WDHD1: variants seen among roughly 807,000 people sequenced by gnomAD.
WDHD1 encodes WD repeat and HMG-box DNA-binding protein 1.
A neutral mutation model predicts 135.4 loss-of-function variants in WDHD1; 111 were observed. The observed-to-expected ratio is 0.82, with a 90% CI of 0.70 to 0.96. The LOEUF (loss-of-function observed/expected upper bound fraction) is 0.96. Among genes scored for constraint, WDHD1 ranks in the 40% least tolerant of loss-of-function variants. The pLI is 0.00. For synonymous variants in WDHD1, 434 were observed against 439.0 expected, an observed-to-expected ratio of 0.99 and a Z score of 0.14; for missense variants, 1,351 against 1,336.3, an observed-to-expected ratio of 1.01 and a Z score of -0.17.
At chr14:54,967,541 A>G (rs1204711918) in intron 16 of WDHD1, 147 bp from the exon 17 acceptor site, 1 of 537,490 alleles carries the variant, frequency 1.9e-6, no homozygotes, top group Non-Finnish European at 3.3e-6. Flanking sequence ...CTCTTTTTAA[A>G]AAAGTGTTTT....
chr14:55,013,389 A>G, intron 3 of WDHD1, 96 bp downstream of exon 3: 1 of 776,520 alleles, frequency 1.3e-6, no homozygotes, highest in Non-Finnish European at 2.1e-6. Context: ...TGAGATAAAC[A>G]AAGGTATATC....
chr14:54,990,278 A>G (rs2041762911), intron 12 of WDHD1, among the ~76,000 whole-genome samples: 1 of 152,166 alleles, frequency 6.6e-6, no homozygotes, highest in South Asian at 2.1e-4. Flanking sequence ...AAAACATCAT[A>G]TAACCAACAC....
At chr14:54,984,573 T>G (rs1216511073) in intron 15 of WDHD1, 150 bp downstream of exon 15, 3 of 665,286 alleles carry the variant, frequency 4.5e-6, no homozygotes, top group Non-Finnish European at 6.5e-6. Context: ...CTCCCAGTTC[T>G]GCCAACATAT....
At chr14:54,943,113 G>A (rs942135194) in intron 25 of WDHD1, among the ~76,000 whole-genome samples, 2 of 152,126 alleles carry the variant, frequency 1.3e-5, no homozygotes, top group African/African-American at 4.8e-5. Flanking sequence ...TGCCATTCCT[G>A]GGGAAGTGAA....
intron 6 of WDHD1, among the ~76,000 whole-genome samples, chr14:55,007,580 A>G (rs117679429): frequency 3.7e-3 from 559 of 152,302 alleles, no homozygotes; most frequent in Non-Finnish European, 6.0e-3. Context: ...TTAAATAACT[A>G]GAGTATTTTC....
At chr14:54,961,686 AT>A (rs1210892679) in intron 21 of WDHD1, among the ~76,000 whole-genome samples, 1 of 152,100 alleles carries the variant, frequency 6.6e-6, no homozygotes, top group East Asian at 1.9e-4. Context: ...TTTTAAGTTA[AT>A]TTTTTTAAAT....
At chr14:54,995,294 C>G (rs1282652739) in intron 11 of WDHD1, among the ~76,000 whole-genome samples, 1 of 152,112 alleles carries the variant, frequency 6.6e-6, no homozygotes, top group Non-Finnish European at 1.5e-5. Context: ...TTGATCTTGT[C>G]AAAGAACCAG....
At chr14:54,945,697 C>A (rs1338008432) in intron 24 of WDHD1, among the ~76,000 whole-genome samples, 2 of 152,158 alleles carry the variant, frequency 1.3e-5, no homozygotes, top group Admixed American at 6.5e-5. Context: ...CGCGCCACCA[C>A]ACCCAGCTAA....
intron 10 of WDHD1, 142 bp from the exon 11 acceptor site, chr14:54,995,955 G>A: frequency 3.3e-6 from 2 of 599,910 alleles, no homozygotes; most frequent in Non-Finnish European, 5.5e-6. Flanking sequence ...ATTAGTAAAT[G>A]TATTTATGAG....
At chr14:54,988,938 T>C in intron 13 of WDHD1, 90 bp downstream of exon 13, 1 of 1,204,212 alleles carries the variant, frequency 8.3e-7, no homozygotes, top group Non-Finnish European at 1.2e-6. Flanking sequence ...AAAAAATAAA[T>C]TTTGTTTTAT....
chr14:54,995,609 A>G lies in WDHD1; in HGVS notation c.1147T>C (p.Ser383Pro). The G allele has an allele frequency of 6.3e-7, 1 of 1,588,448 alleles. No individual in the cohort carries two copies. The highest frequency in any genetic ancestry group is 1.1e-5 in the South Asian group (1 of 87,438). Residue 383 changes from serine (S) to proline (P), a missense_variant, in exon 11 of 26, where the codon TCA (serine) becomes CCA (proline). By Grantham distance (74) the Ser-to-Pro change is moderately conservative. Transcript: ENST00000360586. Reference sequence around the variant, plus strand: ...CACAAAGTCAAATTCTTACCAACTGAGTTTTCATCATCTTCTAGGATGTGA... The same window carrying G: ...CACAAAGTCAAATTCTTACCAACTGGGTTTTCATCATCTTCTAGGATGTGA... ...RSHILEDDEN[S>P]VDISMLKTGS... is the part of the protein sequence containing the mutation.
intron 2 of WDHD1, among the ~76,000 whole-genome samples, chr14:55,019,243 C>T (rs1038548390): frequency 2.6e-5 from 4 of 152,104 alleles, no homozygotes; most frequent in African/African-American, 9.7e-5. Flanking sequence ...GATTATCTTA[C>T]ATATGTTAAC....
chr14:54,955,550 T>C lies in WDHD1; in HGVS notation c.3050+11A>G, dbSNP rs779634984. ...TTGGTCACTGCATGCTAAATTTCTCTATGTACTGACCTTTGGTTTTCAGTG... is the reference window on the plus strand; with the variant it reads ...TTGGTCACTGCATGCTAAATTTCTCCATGTACTGACCTTTGGTTTTCAGTG... On this transcript the variant is annotated intron_variant, in intron 24 of 25. Coordinates refer to ENST00000360586, the MANE Select transcript of WDHD1 (RefSeq NM_007086.4). 1 of 1,532,116 alleles carries C rather than the reference T, an allele frequency of 6.5e-7. No individual in the cohort carries two copies. Among genetic ancestry groups the C allele is most frequent in the Non-Finnish European group, 8.7e-7 (1 of 1,149,104 alleles). The allele number at this position is 1,532,116 out of a possible 1,614,324, so 94.9% of individuals were successfully genotyped here.
Position 55,000,536 on chromosome 14 carries a change from A to C in WDHD1, c.909T>G (p.Val303=). Residue 303 remains valine (V), a synonymous_variant, in exon 10 of 26, where the codon GTT becomes GTG. Coordinates refer to ENST00000360586, the MANE Select transcript of WDHD1 (RefSeq NM_007086.4). ...TTGATGTCTTTCCACTGGGGTCACA[A>C]ACATTCTCTAGAAGCCCTAGATTTC... The part of the protein sequence containing the change: ...AEGNLGLLEN[V]CDPSGKTSSS... 6.2e-7 allele frequency: 1 copy of C among 1,606,588 alleles called. No individual in the cohort carries two copies. Among genetic ancestry groups the C allele is most frequent in the Non-Finnish European group, 8.5e-7 (1 of 1,176,122 alleles).
chr14:54,959,723 G>T (rs2041218648), intron 21 of WDHD1, among the ~76,000 whole-genome samples: 1 of 151,856 alleles, frequency 6.6e-6, no homozygotes, highest in African/African-American at 2.4e-5. Context: ...AGCTAGGACT[G>T]CATCACTGCA....
At chr14:54,988,891 G>T in intron 13 of WDHD1, 137 bp downstream of exon 13, 1 of 685,784 alleles carries the variant, frequency 1.5e-6, no homozygotes, top group Non-Finnish European at 2.3e-6. Flanking sequence ...TGGGTGTGCT[G>T]GTGTTTGTAC....
chr14:54,943,058 T>A (rs1566700311), intron 25 of WDHD1, among the ~76,000 whole-genome samples: 1 of 152,206 alleles, frequency 6.6e-6, no homozygotes. Context: ...AAAACCCAAT[T>A]TACCAAAGCA....
intron 9 of WDHD1, 29 bp downstream of exon 9, chr14:55,000,854 AAAG>A (rs1297152317): frequency 1.4e-6 from 2 of 1,447,834 alleles, no homozygotes; most frequent in Non-Finnish European, 1.8e-6. Flanking sequence ...AGAGATGAGC[AAAG>A]AAGAGACAAA....
intron 24 of WDHD1, among the ~76,000 whole-genome samples, chr14:54,946,477 T>C (rs2040927058): frequency 6.6e-6 from 1 of 152,192 alleles, no homozygotes; most frequent in African/African-American, 2.4e-5. Flanking sequence ...AAAATTAAAT[T>C]ATCAATCTTC....
Sources: gnomAD v4.1 joint callset for allele counts (sites outside exome capture counted in the v4.1 genomes callset) on GRCh38, gnomAD v4.1.1 for gene constraint, MANE v1.5 for transcripts, NCBI Gene and HGNC (gene_info 2026-07-23, HGNC 2026-07-21) for gene names.